DAZAP1: variants seen among roughly 807,000 people sequenced by gnomAD.
The protein encoded by DAZAP1 is DAZ associated protein 1, also known as DAZ-associated protein 1.
DAZAP1 carries 6 observed loss-of-function variants against 60.1 expected under a neutral mutation model. The ratio of observed to expected loss-of-function variants is 0.10; its 90% CI spans 0.05 to 0.20. DAZAP1 has a LOEUF of 0.20. DAZAP1 is among the 10% of genes least tolerant of loss of function. DAZAP1 has a pLI of 1.00. For synonymous variants in DAZAP1, 235 were observed against 215.9 expected (o/e 1.09, Z -0.78); for missense variants, 366 against 560.4 (o/e 0.65, Z 3.50).
At chr19:1,413,601 G>A (rs1297541935) in intron 1 of DAZAP1, among the ~76,000 whole-genome samples, 1 of 152,228 alleles carries the variant, frequency 6.6e-6, no homozygotes, top group African/African-American at 2.4e-5. Context: ...ATGGACACAG[G>A]AAGCTTTAGC....
chr19:1,411,061 C>T (rs1021937423), intron 1 of DAZAP1, among the ~76,000 whole-genome samples: 3 of 152,198 alleles, frequency 2.0e-5, no homozygotes, highest in Non-Finnish European at 4.4e-5. Context: ...GCCGTGACTA[C>T]TTGTACCTGT....
chr19:1,432,455 G>C lies in DAZAP1; in HGVS notation c.872-59G>C. ...CTGCTGGGCTGGGTGTGGGTCTCCT[G>C]CTGGTCTGCCCCCAGCTGCACAACG... On this transcript the variant is annotated intron_variant, in intron 10 of 11. Transcript: ENST00000233078. The surrounding 1 kb of genome is among the most constrained non-coding windows in gnomAD (Gnocchi z 4.9). The C allele has an allele frequency of 6.3e-7, 1 of 1,586,370 alleles. No homozygotes were observed. Among genetic ancestry groups the C allele is most frequent in the East Asian group, 2.2e-5 (1 of 44,692 alleles).
chr19:1,433,540 G>A lies in DAZAP1; in HGVS notation c.1048+850G>A, dbSNP rs1187156675. ...GCCCGCCCACCCACCTCGCATGGCT[G>A]TGGTTCCCCTGCCCCCACGCCCAGG... On this transcript the variant is annotated intron_variant, in intron 11 of 11. Coordinates refer to ENST00000233078, the MANE Select transcript of DAZAP1 (RefSeq NM_018959.4). This position sits in a 1 kb window ranked among gnomAD's most constrained non-coding sequence, Gnocchi z 6.1. The A allele has an allele frequency of 5.2e-6, 3 of 579,700 alleles. No homozygotes were observed. Among genetic ancestry groups the A allele is most frequent in the African/African-American group, 1.9e-5 (1 of 53,038 alleles). The allele number at this position is 579,700 out of a possible 1,614,324, so 35.9% of individuals were successfully genotyped here.
Position 1,432,791 on chromosome 19 carries a change from T to C in DAZAP1, c.1048+101T>C. ...CCCCTGCTGGACGCTCCCCAGCCTT[T>C]ACCTGGTGGGAAAGGGGAGAGGGAG... On this transcript the variant is annotated intron_variant, in intron 11 of 11. Coordinates refer to ENST00000233078, the MANE Select transcript of DAZAP1 (RefSeq NM_018959.4). This position sits in a 1 kb window ranked among gnomAD's most constrained non-coding sequence, Gnocchi z 4.9. 1.5e-6 allele frequency: 2 copies of C among 1,353,914 alleles called. No individual in the cohort carries two copies. Among genetic ancestry groups the C allele is most frequent in the Admixed American group, 2.3e-5 (1 of 43,178 alleles). The allele number at this position is 1,353,914 out of a possible 1,614,324, so 83.9% of individuals were successfully genotyped here.
Position 1,433,969 on chromosome 19 carries a change from A to T in DAZAP1, c.1049-768A>T. ...CCTTGCCGGTGCCAAGACATTGGCC[A>T]CAAGCCTTCAGCGGGCCCAGGATCC... is the stretch of plus-strand genomic sequence containing the variant. On this transcript the variant is annotated intron_variant, in intron 11 of 11. Transcript: ENST00000233078. The surrounding 1 kb of genome is among the most constrained non-coding windows in gnomAD (Gnocchi z 6.1). 1 of 720,598 alleles carries T rather than the reference A, an allele frequency of 1.4e-6. No individual in the cohort carries two copies. The highest frequency in any genetic ancestry group is 2.3e-6 in the Non-Finnish European group (1 of 434,192). The allele number at this position is 720,598 out of a possible 1,614,324, so 44.6% of individuals were successfully genotyped here.
At chr19:1,411,747 C>T (rs186881044) in intron 1 of DAZAP1, among the ~76,000 whole-genome samples, 6 of 152,312 alleles carry the variant, frequency 3.9e-5, no homozygotes, top group Admixed American at 2.6e-4. Context: ...GGGATGGGCC[C>T]GGGGTCACCC....
rs1236015904 is a variant in DAZAP1 at position 1,435,532 on chromosome 19, T to G, written c.*620T>G. The G allele has an allele frequency of 3.9e-5, 6 of 152,252 alleles. No homozygotes were observed. Among genetic ancestry groups the G allele is most frequent in the Admixed American group, 1.3e-4 (2 of 15,284 alleles). 9.4% of individuals were successfully genotyped at this position (152,252 alleles called of 1,614,324 possible). ...GCTTGGTAGTGTCTGAGGTGAACTGTGGGGGTTGCGCACAGCCAGCCGCGT... is the reference window on the plus strand; with the variant it reads ...GCTTGGTAGTGTCTGAGGTGAACTGGGGGGGTTGCGCACAGCCAGCCGCGT... On this transcript the variant is annotated 3_prime_UTR_variant, in exon 12 of 12. Coordinates refer to ENST00000233078, the MANE Select transcript of DAZAP1 (RefSeq NM_018959.4).
rs913336020 is a variant in DAZAP1 at position 1,434,970 on chromosome 19, G to A, written c.*58G>A. On this transcript the variant is annotated 3_prime_UTR_variant, in exon 12 of 12. Coordinates refer to ENST00000233078, the MANE Select transcript of DAZAP1 (RefSeq NM_018959.4). The surrounding 1 kb of genome is among the most constrained non-coding windows in gnomAD (Gnocchi z 8.0). ...CCCAGGATTCCAAACTTGTGAACTCGTGACAATCACAAACTTGGCGGCAAA... is the reference window on the plus strand; with the variant it reads ...CCCAGGATTCCAAACTTGTGAACTCATGACAATCACAAACTTGGCGGCAAA... 6 of 979,444 alleles carry A rather than the reference G, an allele frequency of 6.1e-6. No individual in the cohort carries two copies. The highest frequency in any genetic ancestry group is 7.3e-6 in the Non-Finnish European group (6 of 818,088). The allele number at this position is 979,444 out of a possible 1,614,324, so 60.7% of individuals were successfully genotyped here.
rs1278507116 is a variant in DAZAP1 at position 1,433,841 on chromosome 19, CCTT to C, written c.1049-893_1049-891del. 14 of 1,611,864 alleles carry C rather than the reference CCTT, an allele frequency of 8.7e-6. No homozygotes were observed. The highest frequency in any genetic ancestry group is 2.2e-5 in the East Asian group (1 of 44,864). On this transcript the variant is annotated intron_variant, in intron 11 of 11. Coordinates refer to ENST00000233078, the MANE Select transcript of DAZAP1 (RefSeq NM_018959.4). This position sits in a 1 kb window ranked among gnomAD's most constrained non-coding sequence, Gnocchi z 6.1. ...GATGTGGCCTAGGTAGGTGCCGCCT[CCTT>C]CTCCAGGGTCCTCCCACCCGCCTGC...
rs1026417579 is a variant in DAZAP1, at chr19:1,434,099, G to A, written c.1049-638G>A. On this transcript the variant is annotated intron_variant, in intron 11 of 11. Coordinates refer to ENST00000233078, the MANE Select transcript of DAZAP1 (RefSeq NM_018959.4). This position sits in a 1 kb window ranked among gnomAD's most constrained non-coding sequence, Gnocchi z 8.0. ...GGTGTGCAGCGGGGTGGGGAGCGGC[G>A]TGAGCAGCTCTGTCCTTGTAAAGAC... is the stretch of plus-strand genomic sequence containing the variant. The A allele has an allele frequency of 1.1e-4, 58 of 511,032 alleles. No homozygotes were observed. Among genetic ancestry groups the A allele is most frequent in the Non-Finnish European group, 1.8e-4 (50 of 282,114 alleles). The allele number at this position is 511,032 out of a possible 1,614,324, so 31.7% of individuals were successfully genotyped here.
In DAZAP1 at chr19:1,423,762, A is replaced by C. The variant is rs940817376; in HGVS notation, c.463+1366A>C. On this transcript the variant is annotated intron_variant, in intron 6 of 11. Coordinates refer to ENST00000233078, the MANE Select transcript of DAZAP1 (RefSeq NM_018959.4). The surrounding 1 kb of genome is among the most constrained non-coding windows in gnomAD (Gnocchi z 6.8). ...ATCTTGGGAAACTTGAGCGCGCGGG[A>C]ATCTGAGGGTTGCTTCTAGATCCTC... Among the ~76,000 whole-genome samples, 1 of 152,180 alleles carries C rather than the reference A, an allele frequency of 6.6e-6. No homozygotes were observed. Among genetic ancestry groups the C allele is most frequent in the Non-Finnish European group, 1.5e-5 (1 of 68,032 alleles).
intron 4 of DAZAP1, among the ~76,000 whole-genome samples, chr19:1,420,498 A>AG (rs1194289626): frequency 1.3e-5 from 2 of 150,286 alleles, no homozygotes; most frequent in Admixed American, 1.3e-4. Context: ...AAAAAAAAAA[A>AG]GGATGGTTGG....
At chr19:1,413,340 C>T (rs1468555010) in intron 1 of DAZAP1, among the ~76,000 whole-genome samples, 2 of 152,244 alleles carry the variant, frequency 1.3e-5, no homozygotes. Flanking sequence ...GAGGTGCCTG[C>T]CCAGGGCTCC....
At chr19:1,430,122 T>A in intron 9 of DAZAP1, 100 bp from the exon 10 acceptor site, 1 of 1,528,976 alleles carries the variant, frequency 6.5e-7, no homozygotes, top group Non-Finnish European at 9.0e-7. Flanking sequence ...GAAGAGAGGG[T>A]GAGGGGCCTG....
At position 1,407,682 on chromosome 19, in the gene DAZAP1, G is replaced by A; in HGVS notation, c.-92G>A. ...CCGCCGTTGCGCAGATCCGGGCCGC[G>A]GCTGTGGGGAGGGCGACGGAGCGGG... On this transcript the variant is annotated 5_prime_UTR_variant, in exon 1 of 12. Coordinates refer to ENST00000233078, the MANE Select transcript of DAZAP1 (RefSeq NM_018959.4). 1 of 982,308 alleles carries A rather than the reference G, an allele frequency of 1.0e-6. No homozygotes were observed. The highest frequency in any genetic ancestry group is 1.2e-6 in the Non-Finnish European group (1 of 821,558). The allele number at this position is 982,308 out of a possible 1,614,324, so 60.8% of individuals were successfully genotyped here.
At chr19:1,412,213 G>T (rs1044554955) in intron 1 of DAZAP1, among the ~76,000 whole-genome samples, 2 of 152,030 alleles carry the variant, frequency 1.3e-5, no homozygotes, top group Non-Finnish European at 1.5e-5. Flanking sequence ...GTGGGCTGGA[G>T]GGGGGGCATC....
In DAZAP1 at chr19:1,422,148, C is replaced by T. The variant is rs1357538076; in HGVS notation, c.415-200C>T. Among the ~76,000 whole-genome samples the T allele has an allele frequency of 2.0e-5, 3 of 152,258 alleles. No individual in the cohort carries two copies. Among genetic ancestry groups the T allele is most frequent in the African/African-American group, 4.8e-5 (2 of 41,466 alleles). On this transcript the variant is annotated intron_variant, in intron 5 of 11. Coordinates refer to ENST00000233078, the MANE Select transcript of DAZAP1 (RefSeq NM_018959.4). This position sits in a 1 kb window ranked among gnomAD's most constrained non-coding sequence, Gnocchi z 4.5. ...CCCTGGAGCTGCTTCTCCCTGCCTG[C>T]GTCTGGCCCTGGGAGTGTTGGGGCT... is the stretch of plus-strand genomic sequence containing the variant.
At chr19:1,408,576 C>T (rs1046915007) in intron 1 of DAZAP1, among the ~76,000 whole-genome samples, 2 of 152,184 alleles carry the variant, frequency 1.3e-5, no homozygotes, top group Non-Finnish European at 2.9e-5. Flanking sequence ...GTTCGCAAAC[C>T]CAGGGCCCAG....
chr19:1,434,623 G>T lies in DAZAP1; in HGVS notation c.1049-114G>T, dbSNP rs977877769. ...CTCAGAAGGGCCCCACCCGCACCCCGTGGGACCCGTGGACTCAAGGCAGGC... is the reference window on the plus strand; with the variant it reads ...CTCAGAAGGGCCCCACCCGCACCCCTTGGGACCCGTGGACTCAAGGCAGGC... On this transcript the variant is annotated intron_variant, in intron 11 of 11. Transcript: ENST00000233078. The surrounding 1 kb of genome is among the most constrained non-coding windows in gnomAD (Gnocchi z 8.0). 11 of 1,156,386 alleles carry T rather than the reference G, an allele frequency of 9.5e-6. No homozygotes were observed. Among genetic ancestry groups the T allele is most frequent in the African/African-American group, 1.6e-5 (1 of 63,632 alleles). 71.6% of individuals were successfully genotyped at this position (1,156,386 alleles called of 1,614,324 possible). A position where few individuals can be genotyped will look rare whatever the true frequency, so the allele number is the denominator to read the frequency against.
Sources: allele counts gnomAD v4.1 joint callset (sites outside exome capture counted in the v4.1 genomes callset), GRCh38; gene constraint gnomAD v4.1.1; non-coding constraint Gnocchi (gnomAD v3.1); transcripts MANE v1.5; gene names NCBI Gene and HGNC (gene_info 2026-07-23, HGNC 2026-07-21).